Variants in CLYBL observed in about 807,000 individuals in gnomAD.
The protein encoded by CLYBL is citramalyl-CoA lyase.
CLYBL carries 31 observed loss-of-function variants against 38.9 expected under a neutral mutation model. The observed-to-expected ratio is 0.80, with a 90% CI of 0.60 to 1.08. The LOEUF is 1.08. Ranked by LOEUF, CLYBL falls within the 50% of genes least tolerant of loss-of-function variation. The probability of loss-of-function intolerance (pLI) is 0.00; values close to 1 mark genes in which losing one functional copy is unlikely to be tolerated. For synonymous variants in CLYBL, 171 were observed against 158.6 expected, an observed-to-expected ratio of 1.08 and a Z score of -0.59; for missense variants, 434 against 411.6, an observed-to-expected ratio of 1.05 and a Z score of -0.47.
intron 1 of CLYBL, among the ~76,000 whole-genome samples, chr13:99,675,025 A>G (rs908094462): frequency 5.9e-5 from 9 of 152,202 alleles, no homozygotes; most frequent in African/African-American, 2.2e-4. Context: ...AGTCTGGGCA[A>G]CATAGCCAGA....
chr13:99,721,283 A>T (rs2048388613), intron 1 of CLYBL, among the ~76,000 whole-genome samples: 1 of 151,446 alleles, frequency 6.6e-6, no homozygotes, highest in South Asian at 2.1e-4. Context: ...ACCGCAAGTG[A>T]TCCACCCGCC....
intron 1 of CLYBL, 127 bp from the exon 2 acceptor site, chr13:99,772,696 CA>C (rs34526549): frequency 2.4e-6 from 2 of 826,784 alleles, no homozygotes; most frequent in Non-Finnish European, 3.7e-6. Flanking sequence ...GACCCTGTCT[CA>C]AAAAAATAAA....
chr13:99,892,046 C>T (rs928829990), intron 8 of CLYBL: 1 of 152,198 alleles, frequency 6.6e-6, no homozygotes, highest in Non-Finnish European at 1.5e-5. Context: ...AGACGATGAA[C>T]ACGAAAGCTG....
chr13:99,609,772 G>A (rs1209570446), intron 1 of CLYBL, among the ~76,000 whole-genome samples: 1 of 152,218 alleles, frequency 6.6e-6, no homozygotes, highest in Admixed American at 6.5e-5. Context: ...CTTGGCTCAA[G>A]CAATCTGCCT....
intron 1 of CLYBL, among the ~76,000 whole-genome samples, chr13:99,742,393 T>G (rs2048772347): frequency 6.6e-6 from 1 of 152,260 alleles, no homozygotes; most frequent in East Asian, 1.9e-4. Flanking sequence ...GTTGTTATTT[T>G]AACATCTAGT....
At chr13:99,891,995 C>A (rs1459672645) in intron 8 of CLYBL, 1 of 152,240 alleles carries the variant, frequency 6.6e-6, no homozygotes, top group Non-Finnish European at 1.5e-5. Context: ...TTACTATTAA[C>A]CTCCACCCCT....
intron 7 of CLYBL, among the ~76,000 whole-genome samples, chr13:99,878,102 A>C (rs1462755930): frequency 1.3e-5 from 2 of 152,202 alleles, no homozygotes. Context: ...AACATTATTT[A>C]GCTAACTGGT....
chr13:99,708,808 A>C (rs1270362834), intron 1 of CLYBL, among the ~76,000 whole-genome samples: 1 of 152,124 alleles, frequency 6.6e-6, no homozygotes. Context: ...AAGAAGAGTG[A>C]TTAGGCTGGG....
chr13:99,760,201 T>A (rs2049139319), intron 1 of CLYBL, among the ~76,000 whole-genome samples: 2 of 152,318 alleles, frequency 1.3e-5, no homozygotes, highest in South Asian at 4.1e-4. Context: ...GTAATTTGAG[T>A]CTTCTTTTTT....
intron 6 of CLYBL, among the ~76,000 whole-genome samples, chr13:99,866,637 CTTTTT>C (rs61652863): frequency 1.1e-4 from 16 of 143,968 alleles, no homozygotes; most frequent in African/African-American, 4.1e-4. Context: ...ATATTAGTTG[CTTTTT>C]TTTTTTTCTC....
At chr13:99,704,843 C>T (rs1285998429) in intron 1 of CLYBL, among the ~76,000 whole-genome samples, 1 of 152,154 alleles carries the variant, frequency 6.6e-6, no homozygotes, top group Admixed American at 6.5e-5. Flanking sequence ...ATCTTGAGCA[C>T]GGATCCTAAG....
intron 2 of CLYBL, among the ~76,000 whole-genome samples, chr13:99,819,984 C>T (rs1221306412): frequency 6.6e-6 from 1 of 152,148 alleles, no homozygotes; most frequent in African/African-American, 2.4e-5. Flanking sequence ...CGGATTTATA[C>T]CTATAAAGTT....
At chr13:99,683,970 GCC>G (rs2047778614) in intron 1 of CLYBL, among the ~76,000 whole-genome samples, 2 of 147,828 alleles carry the variant, frequency 1.4e-5, no homozygotes, top group Non-Finnish European at 3.0e-5. Context: ...CCAGGTTCAT[GCC>G]ATTCTCCTGC....
At chr13:99,706,743 G>A (rs2048152784) in intron 1 of CLYBL, among the ~76,000 whole-genome samples, 1 of 152,224 alleles carries the variant, frequency 6.6e-6, no homozygotes, top group South Asian at 2.1e-4. Context: ...CCGAGCTCCA[G>A]AAGGAGAAGA....
chr13:99,755,444 A>G (rs1411224580), intron 1 of CLYBL, among the ~76,000 whole-genome samples: 1 of 152,094 alleles, frequency 6.6e-6, no homozygotes, highest in Non-Finnish European at 1.5e-5. Flanking sequence ...GGGTGTGATC[A>G]TGGCCCTGCA....
intron 2 of CLYBL, among the ~76,000 whole-genome samples, chr13:99,837,099 TC>T (rs1432638819): frequency 6.6e-6 from 1 of 152,142 alleles, no homozygotes; most frequent in Admixed American, 6.6e-5. Context: ...ATCATTGTCT[TC>T]CTGCTCAGCT....
chr13:99,838,839 C>T (rs998875233), intron 2 of CLYBL, among the ~76,000 whole-genome samples: 23 of 152,144 alleles, frequency 1.5e-4, no homozygotes, highest in Non-Finnish European at 2.9e-5. Context: ...CAGGGTTTCA[C>T]TGTGTTAGCC....
At chr13:99,753,459 G>C (rs1384655397) in intron 1 of CLYBL, among the ~76,000 whole-genome samples, 1 of 152,190 alleles carries the variant, frequency 6.6e-6, no homozygotes, top group Non-Finnish European at 1.5e-5. Context: ...GTGCGTGCAA[G>C]GCACAGTTAA....
At chr13:99,861,252 G>C (rs1475506900) in intron 3 of CLYBL, among the ~76,000 whole-genome samples, 2 of 152,258 alleles carry the variant, frequency 1.3e-5, no homozygotes, top group South Asian at 4.2e-4. Context: ...GGAGGAGGAG[G>C]ATGGGCTAGA....
Sources: gnomAD v4.1 joint callset for allele counts (sites outside exome capture counted in the v4.1 genomes callset) on GRCh38, gnomAD v4.1.1 for gene constraint, MANE v1.5 for transcripts, NCBI Gene and HGNC (gene_info 2026-07-23, HGNC 2026-07-21) for gene names.